RBFOX1: variants seen among roughly 807,000 people sequenced by gnomAD.
The protein encoded by RBFOX1 is RNA binding fox-1 homolog 1.
A neutral mutation model predicts 57.7 loss-of-function variants in RBFOX1; 8 were observed. The ratio of observed to expected loss-of-function variants is 0.14; its 90% CI spans 0.08 to 0.25. The LOEUF (loss-of-function observed/expected upper bound fraction) is 0.25, where lower values mean the gene tolerates loss of function less well. Ranked by LOEUF, RBFOX1 falls within the 10% of genes least tolerant of loss-of-function variation. The pLI, the probability that RBFOX1 is intolerant of heterozygous loss-of-function variation, is 1.00. For missense variants in RBFOX1, 611 were observed against 548.5 expected, an observed-to-expected ratio of 1.11 and a Z score of -1.14; for synonymous variants, 326 against 222.4, an observed-to-expected ratio of 1.47 and a Z score of -4.15.
chr16:7,141,875 C>T (rs115141528), intron 4 of RBFOX1, among the ~76,000 whole-genome samples: 3 of 152,206 alleles, frequency 2.0e-5, no homozygotes, highest in Non-Finnish European at 4.4e-5. Flanking sequence ...ATTCTCTGCA[C>T]AGCAGCCATA....
At chr16:6,601,115 C>A (rs1320973290) in intron 2 of RBFOX1, among the ~76,000 whole-genome samples, 1 of 152,206 alleles carries the variant, frequency 6.6e-6, no homozygotes, top group African/African-American at 2.4e-5. Context: ...TAAGTAACCC[C>A]TTTAGCCTAG....
At chr16:6,763,188 T>G (rs1396652048) in intron 3 of RBFOX1, among the ~76,000 whole-genome samples, 1 of 152,188 alleles carries the variant, frequency 6.6e-6, no homozygotes, top group East Asian at 1.9e-4. Context: ...TGCCTTCAGC[T>G]CAATGTTTAT....
At chr16:5,648,019 C>A (rs530636177) in intron 3 of RBFOX1, among the ~76,000 whole-genome samples, 1 of 152,100 alleles carries the variant, frequency 6.6e-6, no homozygotes. Context: ...AGCACTGTCC[C>A]TGATTAATTT....
At chr16:5,829,097 C>G (rs894756469) in intron 3 of RBFOX1, among the ~76,000 whole-genome samples, 1 of 152,128 alleles carries the variant, frequency 6.6e-6, no homozygotes, top group Non-Finnish European at 1.5e-5. Context: ...AAGTCTCTAG[C>G]TCCAGCTCAC....
At chr16:7,534,104 G>C (rs62012737) in intron 5 of RBFOX1, among the ~76,000 whole-genome samples, 2 of 50,602 alleles carry the variant, frequency 4.0e-5, no homozygotes, top group Non-Finnish European at 1.9e-4. Context: ...TTTTTTTTTG[G>C]ACATGCAGTT....
chr16:5,764,075 A>G (rs1261088855), intron 3 of RBFOX1, among the ~76,000 whole-genome samples: 1 of 152,148 alleles, frequency 6.6e-6, no homozygotes, highest in African/African-American at 2.4e-5. Flanking sequence ...TCTAATAAAT[A>G]CTTAACTAAT....
At chr16:6,929,767 G>C (rs954914985) in intron 3 of RBFOX1, among the ~76,000 whole-genome samples, 1 of 152,096 alleles carries the variant, frequency 6.6e-6, no homozygotes, top group Admixed American at 6.6e-5. Context: ...GATCGTTTCA[G>C]GGAATATCCT....
intron 2 of RBFOX1, among the ~76,000 whole-genome samples, chr16:6,525,066 C>G (rs558806789): frequency 2.0e-5 from 3 of 152,296 alleles, no homozygotes; most frequent in South Asian, 4.1e-4. Flanking sequence ...ACTGTTTGTA[C>G]AGGACATTCC....
At chr16:7,299,575 C>A in intron 4 of RBFOX1, among the ~76,000 whole-genome samples, 1 of 152,236 alleles carries the variant, frequency 6.6e-6, no homozygotes, top group South Asian at 2.1e-4. Context: ...AAAAGGAGCG[C>A]TGTGCTCATT....
chr16:7,166,442 G>T (rs1479761261), intron 4 of RBFOX1, among the ~76,000 whole-genome samples: 1 of 152,132 alleles, frequency 6.6e-6, no homozygotes, highest in Non-Finnish European at 1.5e-5. Flanking sequence ...GAATAAATGT[G>T]ATTCAGAGGG....
At chr16:5,624,559 C>T (rs1224583700) in intron 3 of RBFOX1, among the ~76,000 whole-genome samples, 1 of 152,210 alleles carries the variant, frequency 6.6e-6, no homozygotes. Flanking sequence ...CCCTGAGTTC[C>T]TGGGATTTCT....
intron 4 of RBFOX1, among the ~76,000 whole-genome samples, chr16:7,411,288 G>A (rs750337842): frequency 9.2e-5 from 14 of 151,964 alleles, no homozygotes; most frequent in Non-Finnish European, 2.1e-4. Flanking sequence ...TGTCTTGAGG[G>A]TTGTGTGTTA....
chr16:5,454,842 TTTCTTTCTTTCTTTTC>T (rs1445765457), intron 1 of RBFOX1, among the ~76,000 whole-genome samples: 3 of 105,522 alleles, frequency 2.8e-5, no homozygotes, highest in Non-Finnish European at 5.8e-5. Context: ...CTTTCTTTCC[TTTCTTTCTTTCTTTTC>T]TTTCTTTCTT....
chr16:7,605,929 C>T (rs1014571139), intron 9 of RBFOX1, among the ~76,000 whole-genome samples: 1 of 151,906 alleles, frequency 6.6e-6, no homozygotes, highest in Non-Finnish European at 1.5e-5. Flanking sequence ...ACCTCTGACT[C>T]CCAGCTTCAA....
intron 2 of RBFOX1, among the ~76,000 whole-genome samples, chr16:6,500,683 A>G (rs764922703): frequency 1.6e-4 from 24 of 152,036 alleles, no homozygotes; most frequent in Non-Finnish European, 2.6e-4. Context: ...GAGGCATTGA[A>G]CTCAGGGTCT....
chr16:7,546,501 AAAT>A (rs2084594460), intron 5 of RBFOX1, among the ~76,000 whole-genome samples: 1 of 152,152 alleles, frequency 6.6e-6, no homozygotes, highest in South Asian at 2.1e-4. Flanking sequence ...ATATCCAGAT[AAAT>A]AATAATAAGC....
intron 4 of RBFOX1, among the ~76,000 whole-genome samples, chr16:7,067,906 T>C (rs1008555127): frequency 1.8e-4 from 28 of 151,926 alleles, no homozygotes; most frequent in Non-Finnish European, 4.1e-4. Context: ...TGGTGTATTT[T>C]ACTGGGTGTG....
intron 4 of RBFOX1, among the ~76,000 whole-genome samples, chr16:7,200,011 T>G (rs1392774482): frequency 6.6e-6 from 1 of 152,244 alleles, no homozygotes; most frequent in Non-Finnish European, 1.5e-5. Context: ...AGAATGTGGA[T>G]AGTCACAATC....
chr16:6,118,723 T>C lies in RBFOX1; in HGVS notation c.-127+98731T>C, dbSNP rs75333346. ...TCCTTCCTTCTTTGTTTCTCCCTCT[T>C]TCTCTCTCTCTCTCTGTCCTTCCTT... On this transcript the variant is annotated intron_variant, in intron 1 of 15. Coordinates refer to ENST00000550418, the MANE Select transcript of RBFOX1 (RefSeq NM_018723.4). Among the ~76,000 whole-genome samples the C allele has an allele frequency of 2.9e-3, 421 of 143,484 alleles. 5 individuals are homozygous for C. The highest frequency in any genetic ancestry group is 0.01 in the African/African-American group (374 of 37,118). The allele number at this position is 143,484 out of a possible 152,430, so 94.1% of individuals were successfully genotyped here.
Sources: allele counts gnomAD v4.1 joint callset (sites outside exome capture counted in the v4.1 genomes callset), GRCh38; gene constraint gnomAD v4.1.1; transcripts MANE v1.5; gene names NCBI Gene and HGNC (gene_info 2026-07-23, HGNC 2026-07-21).